DCAF6: variants seen among roughly 807,000 people sequenced by gnomAD.
The protein encoded by DCAF6 is DDB1- and CUL4-associated factor 6.
In DCAF6, 54 loss-of-function variants were observed where a neutral mutation model predicts 125.1. The observed-to-expected ratio is 0.43, with a 90% CI of 0.35 to 0.54. The LOEUF is 0.54. Among genes scored for constraint, DCAF6 ranks in the 20% least tolerant of loss-of-function variants. DCAF6 has a pLI of 0.01. For synonymous variants in DCAF6, 371 were observed against 390.4 expected, an observed-to-expected ratio of 0.95 and a Z score of 0.58; for missense variants, 934 against 1,161.7, an observed-to-expected ratio of 0.80 and a Z score of 2.85.
chr1:168,037,088 T>C (rs1687910681), intron 12 of DCAF6, among the ~76,000 whole-genome samples: 1 of 150,672 alleles, frequency 6.6e-6, no homozygotes, highest in South Asian at 2.1e-4. Flanking sequence ...AGAGGTTCTA[T>C]GAGATTCTCC....
At chr1:167,896,431 A>T in the DCAF6 span, among the ~76,000 whole-genome samples, 1 of 151,962 alleles carries the variant, frequency 6.6e-6, no homozygotes, top group Admixed American at 6.6e-5. Context: ...TCATACTTAG[A>T]ATTGCTGTCC....
chr1:168,066,525 C>A, intron 20 of DCAF6, 60 bp downstream of exon 20: 1 of 1,205,856 alleles, frequency 8.3e-7, no homozygotes, highest in South Asian at 1.4e-5. Context: ...AAATGCTTCC[C>A]TAAGAAAAAT....
intron 18 of DCAF6, among the ~76,000 whole-genome samples, chr1:168,064,881 G>A: frequency 6.6e-6 from 1 of 152,098 alleles, no homozygotes; most frequent in Non-Finnish European, 1.5e-5. Flanking sequence ...AACTATTCCA[G>A]TATATCATAT....
intron 2 of DCAF6, among the ~76,000 whole-genome samples, chr1:167,964,261 T>C (rs960352272): frequency 6.6e-6 from 1 of 152,250 alleles, no homozygotes; most frequent in Non-Finnish European, 1.5e-5. Flanking sequence ...TCAATGTTAA[T>C]TTATCTGAGA....
At chr1:167,950,029 A>G (rs767840585) in intron 1 of DCAF6, among the ~76,000 whole-genome samples, 1 of 152,222 alleles carries the variant, frequency 6.6e-6, no homozygotes, top group Admixed American at 6.5e-5. Context: ...TTATGCCTCT[A>G]TACATGTTCT....
intron 10 of DCAF6, among the ~76,000 whole-genome samples, chr1:168,009,383 C>T (rs990542004): frequency 2.9e-5 from 4 of 139,140 alleles, no homozygotes; most frequent in African/African-American, 8.5e-5. Flanking sequence ...TCCTTCCTTC[C>T]TTCCTTTCTT....
At chr1:168,021,206 A>G (rs1557988492) in intron 11 of DCAF6, among the ~76,000 whole-genome samples, 1 of 152,110 alleles carries the variant, frequency 6.6e-6, no homozygotes, top group African/African-American at 2.4e-5. Flanking sequence ...ATTTCATGGT[A>G]TTTTTTAGAA....
chr1:167,999,441 A>T (rs145897286), intron 7 of DCAF6, among the ~76,000 whole-genome samples: 1 of 152,284 alleles, frequency 6.6e-6, no homozygotes, highest in East Asian at 1.9e-4. Context: ...GGCAGGCATC[A>T]GCTTCTCCTC....
chr1:167,985,616 A>C (rs1679890121), intron 4 of DCAF6, among the ~76,000 whole-genome samples: 1 of 152,142 alleles, frequency 6.6e-6, no homozygotes, highest in South Asian at 2.1e-4. Context: ...ACATCTACAA[A>C]ATCCTTTTTG....
Position 168,004,809 on chromosome 1 carries a change from C to T in DCAF6, c.1378+16C>T, listed in dbSNP as rs373935220. 35 of 1,604,674 alleles carry T rather than the reference C, an allele frequency of 2.2e-5. No homozygotes were observed. In the African/African-American group the frequency reaches 4.4e-4, roughly 20 times the overall value. On this transcript the variant is annotated intron_variant, in intron 10 of 21. Transcript: ENST00000367840. The stretch of plus-strand genomic sequence containing the variant: ...CATCAGTCTGGTGAGGATAAGTATG[C>T]TGTGGTTCATCTAATGATTTTTGAT...
chr1:168,034,949 G>T (rs982069030), intron 12 of DCAF6, among the ~76,000 whole-genome samples: 1 of 152,120 alleles, frequency 6.6e-6, no homozygotes, highest in Non-Finnish European at 1.5e-5. Context: ...ATTAAAGTAG[G>T]TTTTTCTTAA....
the DCAF6 span, among the ~76,000 whole-genome samples, chr1:167,896,064 T>C: frequency 6.6e-6 from 1 of 152,168 alleles, no homozygotes; most frequent in Admixed American, 6.5e-5. Flanking sequence ...AGAGGTCACC[T>C]GGTTTGGCAA....
chr1:167,940,361 A>T (rs1672047818), intron 1 of DCAF6, among the ~76,000 whole-genome samples: 1 of 152,048 alleles, frequency 6.6e-6, no homozygotes, highest in Admixed American at 6.6e-5. Flanking sequence ...TCAATGTAGG[A>T]TTCTTTTTTT....
At chr1:167,917,961 G>A in the DCAF6 span, 2 of 166,576 alleles carry the variant, frequency 1.2e-5, no homozygotes, top group African/African-American at 4.8e-5. Context: ...CTAGCTACCT[G>A]ACCATCCTAC....
chr1:167,963,577 A>ATTACAGGTGCC (rs369834393), intron 2 of DCAF6, among the ~76,000 whole-genome samples: 20,855 of 150,928 alleles, frequency 0.14, 1,887 homozygotes, highest in African/African-American at 0.26. Context: ...AGTAGCTGGG[A>ATTACAGGTGCC]TGCCACCACA....
intron 4 of DCAF6, among the ~76,000 whole-genome samples, chr1:167,978,137 CAATT>C (rs1205199765): frequency 1.3e-5 from 2 of 152,148 alleles, no homozygotes; most frequent in African/African-American, 4.8e-5. Context: ...GAATATACCA[CAATT>C]GATTTATCTG....
chr1:167,997,970 G>A (rs1423063310), intron 7 of DCAF6, among the ~76,000 whole-genome samples: 1 of 151,978 alleles, frequency 6.6e-6, no homozygotes, highest in African/African-American at 2.4e-5. Flanking sequence ...ATACCCACTA[G>A]GATGACTAAA....
intron 1 of DCAF6, among the ~76,000 whole-genome samples, chr1:167,942,283 C>T (rs896727929): frequency 7.3e-5 from 11 of 150,246 alleles, no homozygotes; most frequent in Non-Finnish European, 1.0e-4. Context: ...AGGCTGGTCT[C>T]GAACTCCTGA....
intron 20 of DCAF6, among the ~76,000 whole-genome samples, chr1:168,068,012 G>A (rs1165561567): frequency 6.6e-6 from 1 of 152,170 alleles, no homozygotes; most frequent in African/African-American, 2.4e-5. Flanking sequence ...AAAGTTATCA[G>A]TTCTCCTATA....
Sources: gnomAD v4.1 joint callset for allele counts (sites outside exome capture counted in the v4.1 genomes callset) on GRCh38, gnomAD v4.1.1 for gene constraint, MANE v1.5 for transcripts, NCBI Gene and HGNC (gene_info 2026-07-23, HGNC 2026-07-21) for gene names.